EXOC3L2: variants seen among roughly 807,000 people sequenced by gnomAD.
EXOC3L2 encodes exocyst complex component 3-like protein 2.
A neutral mutation model predicts 44.4 loss-of-function variants in EXOC3L2; 17 were observed. The ratio of observed to expected loss-of-function variants is 0.38; its 90% confidence interval spans 0.26 to 0.57. The LOEUF (loss-of-function observed/expected upper bound fraction) is 0.57. EXOC3L2 is among the 20% of genes least tolerant of loss of function. The probability of loss-of-function intolerance (pLI) is 0.65; values close to 1 mark genes in which losing one functional copy is unlikely to be tolerated. For synonymous variants in EXOC3L2, 256 were observed against 253.7 expected (o/e 1.01, Z -0.09); for missense variants, 541 against 588.4 (o/e 0.92, Z 0.83).
At chr19:45,232,769 G>A (rs1970044515) in intron 3 of EXOC3L2, among the ~76,000 whole-genome samples, 1 of 152,112 alleles carries the variant, frequency 6.6e-6, no homozygotes, top group Non-Finnish European at 1.5e-5. Flanking sequence ...AATTCAAGGG[G>A]CAAACAGCAC....
intron 1 of EXOC3L2, among the ~76,000 whole-genome samples, chr19:45,239,680 A>G (rs1219444681): frequency 1.3e-5 from 2 of 151,246 alleles, no homozygotes; most frequent in African/African-American, 2.4e-5. Flanking sequence ...GCCACCACAC[A>G]AGGCTAAGTT....
In EXOC3L2 at chr19:45,239,510, C is replaced by G. The variant is rs372794135; in HGVS notation, c.-16-449G>C. On this transcript the variant is annotated intron_variant, in intron 1 of 11. Transcript: ENST00000413988. ...GGATTACAGGCGTGAGCCACCGCGC[C>G]TTGCCTCTTTTTTTTTTTTCTTTTG... Among the ~76,000 whole-genome samples the G allele has an allele frequency of 5.2e-3, 776 of 149,594 alleles. 5 individuals are homozygous for G. The highest frequency in any genetic ancestry group is 0.018 in the African/African-American group (738 of 40,696).
At position 45,212,989 on chromosome 19, in the gene EXOC3L2, G is replaced by C; in HGVS notation, c.*80C>G. 7.2e-7 allele frequency: 1 copy of C among 1,380,228 alleles called. No homozygotes were observed. Among genetic ancestry groups the C allele is most frequent in the Non-Finnish European group, 9.4e-7 (1 of 1,063,310 alleles). 85.5% of individuals were successfully genotyped at this position (1,380,228 alleles called of 1,614,324 possible). A position where few individuals can be genotyped will look rare whatever the true frequency, so the allele number is the denominator to read the frequency against. On this transcript the variant is annotated 3_prime_UTR_variant, in exon 12 of 12. Coordinates refer to ENST00000413988, the MANE Select transcript of EXOC3L2 (RefSeq NM_001382422.1). ...CCAGGGGTGTGTGGTCCCAGGCAGG[G>C]AGTCAGGAGGGGCGCCGTACGGGAG...
At chr19:45,239,374 C>T (rs1442130896) in intron 1 of EXOC3L2, among the ~76,000 whole-genome samples, 10 of 150,838 alleles carry the variant, frequency 6.6e-5, no homozygotes, top group Admixed American at 3.3e-4. Flanking sequence ...CCCACCACCA[C>T]GCCCGGCTAA....
chr19:45,227,017 T>G (rs1417630660), intron 7 of EXOC3L2, among the ~76,000 whole-genome samples: 1 of 150,768 alleles, frequency 6.6e-6, no homozygotes, highest in Non-Finnish European at 1.5e-5. Flanking sequence ...CCTCCCAAAG[T>G]GCTGGGATTA....
intron 2 of EXOC3L2, among the ~76,000 whole-genome samples, chr19:45,237,660 A>C (rs1034031804): frequency 1.3e-5 from 2 of 152,050 alleles, no homozygotes; most frequent in Non-Finnish European, 2.9e-5. Flanking sequence ...AGGAATGGGG[A>C]CTGAGGATGA....
At chr19:45,228,101 G>A (rs1354248098) in intron 5 of EXOC3L2, 27 bp from the exon 6 acceptor site, 1 of 1,614,036 alleles carries the variant, frequency 6.2e-7, no homozygotes, top group African/African-American at 1.3e-5. Flanking sequence ...GACAAGAAGA[G>A]GTGAGGAGGG....
Position 45,226,489 on chromosome 19 carries a change from T to G in EXOC3L2, c.1583+1173A>C, listed in dbSNP as rs1333471418. On this transcript the variant is annotated intron_variant, in intron 7 of 11. Coordinates refer to ENST00000413988, the MANE Select transcript of EXOC3L2 (RefSeq NM_001382422.1). ...TCTCGCTCTGTCACCCAGGCTGCAG[T>G]GCAGTGACGGGATCTTGGCTCACTG... is the stretch of plus-strand genomic sequence containing the variant. Among the ~76,000 whole-genome samples the G allele has an allele frequency of 2.0e-5, 3 of 152,260 alleles. No individual in the cohort carries two copies. The East Asian group carries it at 5.8e-4, about 29-fold the overall frequency.
At chr19:45,242,932 C>T (rs1488987086) in intron 1 of EXOC3L2, among the ~76,000 whole-genome samples, 2 of 151,682 alleles carry the variant, frequency 1.3e-5, no homozygotes, top group South Asian at 2.1e-4. Flanking sequence ...TGGTCCCACT[C>T]GCTCTGGCCT....
intron 2 of EXOC3L2, among the ~76,000 whole-genome samples, chr19:45,235,268 C>A (rs563131156): frequency 6.6e-6 from 1 of 152,162 alleles, no homozygotes; most frequent in South Asian, 2.1e-4. Flanking sequence ...GCACCCCAGC[C>A]TGGGCAACAT....
At chr19:45,227,590 A>G in intron 7 of EXOC3L2, 72 bp downstream of exon 7, 1 of 1,333,104 alleles carries the variant, frequency 7.5e-7, no homozygotes, top group Non-Finnish European at 1.1e-6. Context: ...ATCCCCACCC[A>G]GGATCCGGGC....
At chr19:45,222,384 A>C (rs1969907696) in intron 8 of EXOC3L2, among the ~76,000 whole-genome samples, 1 of 151,968 alleles carries the variant, frequency 6.6e-6, no homozygotes, top group African/African-American at 2.4e-5. Flanking sequence ...TATTTTTAGT[A>C]GAGACGGGGT....
At position 45,216,055 on chromosome 19, in the gene EXOC3L2, C is replaced by T. The variant is rs764252431; in HGVS notation, c.2120+18G>A. The T allele has an allele frequency of 2.5e-6, 4 of 1,612,950 alleles. No homozygotes were observed. In the South Asian group the frequency reaches 3.3e-5, roughly 13 times the overall value. ...TCGGCCAGGCACGGCGAGCCCTGGC[C>T]CAGGCGGGGTGTCTCACCTGATGTC... On this transcript the variant is annotated intron_variant, in intron 11 of 11. Transcript: ENST00000413988.
intron 1 of EXOC3L2, among the ~76,000 whole-genome samples, chr19:45,241,490 A>G (rs1465428011): frequency 6.6e-6 from 1 of 151,552 alleles, no homozygotes; most frequent in Non-Finnish European, 1.5e-5. Context: ...AAAAAAAAAA[A>G]AAAAAAGAAA....
chr19:45,228,043 C>G lies in EXOC3L2; in HGVS notation c.1403G>C (p.Arg468Pro), dbSNP rs763701800. The part of the protein sequence containing the change: ...LLEEHTERAP[R>P]ISQEFGERMA... ...CCGCTCCCCAAACTCCTGGCTGATG[C>G]GGGGTGCTCGCTCTGTGTGCTCTTC... Residue 468 changes from arginine to proline, a missense_variant, in exon 6 of 12, where the codon CGC becomes CCC. Arg to Pro is a moderately radical substitution (Grantham distance 103, BLOSUM62 -2). Coordinates refer to ENST00000413988, the MANE Select transcript of EXOC3L2 (RefSeq NM_001382422.1). The G allele has an allele frequency of 1.2e-6, 2 of 1,613,952 alleles. No homozygotes were observed. The highest frequency in any genetic ancestry group is 1.1e-5 in the South Asian group (1 of 91,092).
chr19:45,217,030 CT>C (rs879289385), intron 10 of EXOC3L2: 8 of 146,938 alleles, frequency 5.4e-5, no homozygotes, highest in Admixed American at 6.8e-5. Context: ...TCTTTTTTTT[CT>C]TTTTTTTTTG....
At position 45,238,886 on chromosome 19, in the gene EXOC3L2, G is replaced by C. The variant is rs1456619587; in HGVS notation, c.160C>G (p.Arg54Gly). 1 of 399,102 alleles carries C rather than the reference G, an allele frequency of 2.5e-6. No individual in the cohort carries two copies. The highest frequency in any genetic ancestry group is 4.4e-6 in the Non-Finnish European group (1 of 226,200). The allele number at this position is 399,102 out of a possible 1,614,324, so 24.7% of individuals were successfully genotyped here. A position where few individuals can be genotyped will look rare whatever the true frequency, so the allele number is the denominator to read the frequency against. ...GCAAGCTTCTCCAGGGTGGCGCGGCGGCGACAAGATGTTCCATTGGGGAGG... is the reference window on the plus strand; with the variant it reads ...GCAAGCTTCTCCAGGGTGGCGCGGCCGCGACAAGATGTTCCATTGGGGAGG... The part of the protein sequence containing the change: ...GSLPNGTSCR[R>G]RATLEKLAGL... The change falls in exon 2 of 12, where the codon CGC (arginine) becomes GGC (glycine). Residue 54 changes from arginine (R) to glycine (G), a missense_variant. Coordinates refer to ENST00000413988, the MANE Select transcript of EXOC3L2 (RefSeq NM_001382422.1). The surrounding 1 kb of genome is among the most constrained non-coding windows in gnomAD (Gnocchi z 5.5).
chr19:45,244,022 C>A (rs1324643104), intron 1 of EXOC3L2, among the ~76,000 whole-genome samples: 1 of 152,030 alleles, frequency 6.6e-6, no homozygotes, highest in Admixed American at 6.6e-5. Flanking sequence ...TTCCCAGGCT[C>A]AAGCAATCCT....
chr19:45,237,226 G>T (rs79223702), intron 2 of EXOC3L2, among the ~76,000 whole-genome samples: 1 of 152,128 alleles, frequency 6.6e-6, no homozygotes, highest in Non-Finnish European at 1.5e-5. Context: ...TAGGCCAGGC[G>T]CAGTGGCTCA....
Sources: gnomAD v4.1 joint callset for allele counts (sites outside exome capture counted in the v4.1 genomes callset) on GRCh38, gnomAD v4.1.1 for gene constraint, Gnocchi (gnomAD v3.1) non-coding constraint, MANE v1.5 for transcripts, NCBI Gene and HGNC (gene_info 2026-07-23, HGNC 2026-07-21) for gene names.